KATNIP: variants seen among roughly 807,000 people sequenced by gnomAD.
KATNIP encodes katanin interacting protein, also known as katanin-interacting protein.
A neutral mutation model predicts 174.0 loss-of-function variants in KATNIP; 126 were observed. The ratio of observed to expected loss-of-function variants is 0.72; its 90% CI spans 0.63 to 0.84. KATNIP has a LOEUF of 0.84. Among genes scored for constraint, KATNIP ranks in the 40% least tolerant of loss-of-function variants. The pLI is 0.00. For synonymous variants in KATNIP, 810 were observed against 835.7 expected (o/e 0.97, Z 0.53); for missense variants, 1,958 against 2,109.7 (o/e 0.93, Z 1.41).
chr16:27,713,977 G>T (rs925696419), intron 13 of KATNIP, among the ~76,000 whole-genome samples: 1 of 149,938 alleles, frequency 6.7e-6, no homozygotes, highest in African/African-American at 2.5e-5. Flanking sequence ...ACAGGCCTCC[G>T]CCCCAACTCT....
chr16:27,754,778 G>C (rs546655655), intron 18 of KATNIP: 1 of 152,458 alleles, frequency 6.6e-6, no homozygotes, highest in Non-Finnish European at 1.5e-5. Flanking sequence ...AGAGTCTTAC[G>C]TGAAGTCTCC....
At chr16:27,713,852 A>ATC (rs1567337372) in intron 13 of KATNIP, among the ~76,000 whole-genome samples, 41 of 73,910 alleles carry the variant, frequency 5.5e-4, no homozygotes, top group South Asian at 4.7e-3. Context: ...ATATATATAT[A>ATC]TATATCTATC....
At chr16:27,551,452 G>A (rs2141496691) in intron 1 of KATNIP, among the ~76,000 whole-genome samples, 1 of 152,272 alleles carries the variant, frequency 6.6e-6, no homozygotes, top group African/African-American at 2.4e-5. Context: ...TAGAACATCA[G>A]TCCTCAAACC....
intron 2 of KATNIP, among the ~76,000 whole-genome samples, chr16:27,576,997 G>A (rs1288809577): frequency 1.3e-5 from 2 of 152,100 alleles, no homozygotes; most frequent in Non-Finnish European, 2.9e-5. Context: ...GGTTGGGATC[G>A]GGTACTTCTT....
At chr16:27,596,094 C>T (rs1431255952) in intron 2 of KATNIP, among the ~76,000 whole-genome samples, 13 of 152,016 alleles carry the variant, frequency 8.6e-5, no homozygotes, top group Admixed American at 8.5e-4. Context: ...TAGAGGAGGA[C>T]CGTGACCTAG....
In KATNIP at chr16:27,750,038, A is replaced by G; in HGVS notation, c.3078A>G (p.Lys1026=). The change falls in exon 16 of 28, where the codon AAA becomes AAG. Residue 1026 remains lysine, a synonymous_variant. Transcript: ENST00000261588. The part of the protein sequence containing the change: ...PDINILPAYG[K]DPRVVTNLID... ...TCAATATTTTACCAGCCTATGGGAA[A>G]GACCCCCGCGTGGTCACCAACCTCA... 6.2e-7 allele frequency: 1 copy of G among 1,614,222 alleles called. No homozygotes were observed. The highest frequency in any genetic ancestry group is 8.5e-7 in the Non-Finnish European group (1 of 1,180,030).
chr16:27,715,834 T>C (rs977461569), intron 13 of KATNIP, among the ~76,000 whole-genome samples: 1 of 152,170 alleles, frequency 6.6e-6, no homozygotes, highest in African/African-American at 2.4e-5. Flanking sequence ...CCTTCATTCT[T>C]TGCTTGTGGA....
intron 19 of KATNIP, among the ~76,000 whole-genome samples, chr16:27,766,024 T>C (rs914550580): frequency 1.3e-5 from 2 of 151,976 alleles, no homozygotes; most frequent in African/African-American, 4.8e-5. Context: ...GAAAAATGGT[T>C]CATTTTCCCT....
At chr16:27,622,350 G>A (rs1305871993) in intron 3 of KATNIP, among the ~76,000 whole-genome samples, 2 of 152,184 alleles carry the variant, frequency 1.3e-5, no homozygotes, top group East Asian at 3.9e-4. Flanking sequence ...AGATGTGACA[G>A]CCTTGCCTCA....
At chr16:27,613,747 C>T (rs181289958) in intron 2 of KATNIP, among the ~76,000 whole-genome samples, 2 of 152,150 alleles carry the variant, frequency 1.3e-5, no homozygotes, top group East Asian at 1.9e-4. Flanking sequence ...TGGAAGAAGG[C>T]GAGAATCCTC....
intron 6 of KATNIP, among the ~76,000 whole-genome samples, chr16:27,665,110 C>T (rs980807806): frequency 2.7e-5 from 4 of 150,434 alleles, no homozygotes; most frequent in Non-Finnish European, 5.9e-5. Context: ...TGTTTCTGCT[C>T]TGTTCTCCGG....
chr16:27,689,548 C>T (rs1002288957), intron 8 of KATNIP, among the ~76,000 whole-genome samples: 1 of 152,184 alleles, frequency 6.6e-6, no homozygotes, highest in African/African-American at 2.4e-5. Context: ...AAATCACCCG[C>T]ACTCCTGGGC....
intron 2 of KATNIP, among the ~76,000 whole-genome samples, chr16:27,585,999 G>A (rs1360350541): frequency 6.6e-6 from 1 of 152,142 alleles, no homozygotes; most frequent in African/African-American, 2.4e-5. Context: ...TACTGGGGAG[G>A]CTGAAGCAGG....
intron 2 of KATNIP, among the ~76,000 whole-genome samples, chr16:27,614,306 C>T (rs1167605177): frequency 1.3e-5 from 2 of 152,066 alleles, no homozygotes; most frequent in Non-Finnish European, 2.9e-5. Context: ...GCTGGAAGTG[C>T]CCGCCACCTC....
intron 14 of KATNIP, among the ~76,000 whole-genome samples, chr16:27,737,786 C>T (rs557868922): frequency 2.0e-5 from 3 of 152,244 alleles, no homozygotes; most frequent in East Asian, 3.9e-4. Flanking sequence ...ATTCCTATTG[C>T]GTATGGCAGT....
At chr16:27,732,662 C>T (rs1453190148) in intron 14 of KATNIP, among the ~76,000 whole-genome samples, 2 of 152,142 alleles carry the variant, frequency 1.3e-5, no homozygotes, top group African/African-American at 4.8e-5. Context: ...GCCCTTGAGC[C>T]AGGTCCTAAA....
intron 2 of KATNIP, among the ~76,000 whole-genome samples, chr16:27,581,461 C>T (rs546117341): frequency 3.5e-4 from 53 of 152,218 alleles, no homozygotes; most frequent in African/African-American, 1.2e-3. Context: ...GTGTGGCTGT[C>T]CTTGACCGAG....
At chr16:27,562,236 G>A (rs907608199) in intron 1 of KATNIP, among the ~76,000 whole-genome samples, 8 of 152,178 alleles carry the variant, frequency 5.3e-5, no homozygotes, top group African/African-American at 1.7e-4. Context: ...AAGCCCAGAA[G>A]GTTGAAGTTA....
intron 1 of KATNIP, among the ~76,000 whole-genome samples, chr16:27,553,036 G>A (rs193013191): frequency 2.5e-4 from 38 of 152,316 alleles, no homozygotes; most frequent in Admixed American, 7.8e-4. Context: ...TGTGTCATCT[G>A]AAGCCTTATA....
Sources: allele counts gnomAD v4.1 joint callset (sites outside exome capture counted in the v4.1 genomes callset), GRCh38; gene constraint gnomAD v4.1.1; transcripts MANE v1.5; gene names NCBI Gene and HGNC (gene_info 2026-07-23, HGNC 2026-07-21).